Variants in ADAMTS19 observed in about 807,000 individuals in gnomAD.
The protein encoded by ADAMTS19 is A disintegrin and metalloproteinase with thrombospondin motifs 19.
In ADAMTS19, 93 loss-of-function variants were observed where a neutral mutation model predicts 153.3. The observed-to-expected ratio is 0.61, with a 90% CI of 0.51 to 0.72. The LOEUF (loss-of-function observed/expected upper bound fraction) is 0.72, where lower values mean the gene tolerates loss of function less well. Ranked by LOEUF, ADAMTS19 falls within the 30% of genes least tolerant of loss-of-function variation. ADAMTS19 has a pLI of 0.00. For synonymous variants in ADAMTS19, 600 were observed against 556.6 expected, an observed-to-expected ratio of 1.08 and a Z score of -1.10; for missense variants, 1,482 against 1,552.1, an observed-to-expected ratio of 0.95 and a Z score of 0.76.
At chr5:129,677,416 G>T (rs1054288455) in intron 16 of ADAMTS19, among the ~76,000 whole-genome samples, 2 of 151,934 alleles carry the variant, frequency 1.3e-5, no homozygotes, top group African/African-American at 2.4e-5. Context: ...GGCAGAAGTT[G>T]CAGTGAGCTG....
At chr5:129,471,815 C>G (rs193163692) in intron 2 of ADAMTS19, among the ~76,000 whole-genome samples, 1 of 152,262 alleles carries the variant, frequency 6.6e-6, no homozygotes, top group Non-Finnish European at 1.5e-5. Context: ...TTTTGATTTT[C>G]TGTTCCTATG....
At chr5:129,649,092 C>G (rs544609241) in intron 13 of ADAMTS19, 122 bp downstream of exon 13, 1 of 984,490 alleles carries the variant, frequency 1.0e-6, no homozygotes, top group Non-Finnish European at 1.5e-6. Flanking sequence ...TTAATTTTTT[C>G]TACCTGTATG....
At chr5:129,572,535 G>A (rs1361460107) in intron 7 of ADAMTS19, among the ~76,000 whole-genome samples, 4 of 152,104 alleles carry the variant, frequency 2.6e-5, no homozygotes, top group South Asian at 2.1e-4. Context: ...TCTTTAACAG[G>A]TGAATGGATA....
chr5:129,733,684 G>A (rs1476159545), intron 21 of ADAMTS19, among the ~76,000 whole-genome samples: 1 of 151,944 alleles, frequency 6.6e-6, no homozygotes, highest in Non-Finnish European at 1.5e-5. Flanking sequence ...GAGAGAAAAG[G>A]GAATACTTAT....
intron 2 of ADAMTS19, among the ~76,000 whole-genome samples, chr5:129,464,519 C>G (rs908147874): frequency 2.0e-5 from 3 of 152,232 alleles, no homozygotes; most frequent in African/African-American, 7.2e-5. Flanking sequence ...GGTACCTGAA[C>G]TTTTCAATAT....
At chr5:129,626,141 C>A (rs1207243400) in intron 10 of ADAMTS19, among the ~76,000 whole-genome samples, 1 of 152,038 alleles carries the variant, frequency 6.6e-6, no homozygotes, top group Non-Finnish European at 1.5e-5. Context: ...AGTTCTTATA[C>A]CTATTAACAG....
At chr5:129,684,913 G>A (rs1385402713) in intron 18 of ADAMTS19, among the ~76,000 whole-genome samples, 1 of 151,980 alleles carries the variant, frequency 6.6e-6, no homozygotes, top group Non-Finnish European at 1.5e-5. Context: ...CATGAACCTG[G>A]GAGACGGGGC....
intron 7 of ADAMTS19, among the ~76,000 whole-genome samples, chr5:129,564,459 A>G (rs1404232964): frequency 6.6e-6 from 1 of 152,224 alleles, no homozygotes; most frequent in Non-Finnish European, 1.5e-5. Context: ...CTTGGATGCA[A>G]GTATATACAT....
chr5:129,513,550 G>A (rs73246856), intron 3 of ADAMTS19, among the ~76,000 whole-genome samples: 9,610 of 151,880 alleles, frequency 0.063, 445 homozygotes, highest in African/African-American at 0.14. Flanking sequence ...CCATGTGCCA[G>A]TTCATGTAGT....
intron 7 of ADAMTS19, among the ~76,000 whole-genome samples, chr5:129,558,869 T>C (rs1419961057): frequency 2.0e-5 from 3 of 152,030 alleles, no homozygotes; most frequent in African/African-American, 7.2e-5. Context: ...TGAAAAAAAT[T>C]TGAGATTAAT....
intron 21 of ADAMTS19, among the ~76,000 whole-genome samples, chr5:129,729,735 T>C (rs1757357090): frequency 1.3e-5 from 2 of 152,102 alleles, no homozygotes; most frequent in African/African-American, 4.8e-5. Context: ...TCAGCCATTA[T>C]CTGCTAAGAT....
intron 10 of ADAMTS19, among the ~76,000 whole-genome samples, chr5:129,629,188 G>A (rs375972701): frequency 6.6e-6 from 1 of 152,050 alleles, no homozygotes; most frequent in African/African-American, 2.4e-5. Context: ...TAAGTGAATC[G>A]ATTGAATAAT....
At chr5:129,576,014 A>G (rs951685574) in intron 7 of ADAMTS19, among the ~76,000 whole-genome samples, 8 of 151,006 alleles carry the variant, frequency 5.3e-5, no homozygotes, top group African/African-American at 1.2e-4. Context: ...TCTTCCTTCC[A>G]TATAAAAGCA....
At chr5:129,465,625 T>G (rs1425993375) in intron 2 of ADAMTS19, among the ~76,000 whole-genome samples, 1 of 152,198 alleles carries the variant, frequency 6.6e-6, no homozygotes, top group Non-Finnish European at 1.5e-5. Context: ...AATATTTTTG[T>G]GACTCCCATT....
At chr5:129,599,130 T>C (rs1275805548) in intron 8 of ADAMTS19, among the ~76,000 whole-genome samples, 6 of 152,136 alleles carry the variant, frequency 3.9e-5, no homozygotes, top group Non-Finnish European at 7.4e-5. Flanking sequence ...CATCATCCTT[T>C]AGGGAAAGTA....
intron 15 of ADAMTS19, among the ~76,000 whole-genome samples, chr5:129,661,609 G>A (rs56087129): frequency 0.078 from 11,816 of 152,154 alleles, 585 homozygotes; most frequent in Middle Eastern, 0.15. Flanking sequence ...AATCATTCTT[G>A]TTGGAGCTGG....
chr5:129,652,250 G>A (rs1331008823), intron 13 of ADAMTS19, among the ~76,000 whole-genome samples: 1 of 152,136 alleles, frequency 6.6e-6, no homozygotes, highest in Non-Finnish European at 1.5e-5. Flanking sequence ...ACAGTCACTA[G>A]CCTACATGTA....
At chr5:129,470,450 A>G (rs77392051) in intron 2 of ADAMTS19, among the ~76,000 whole-genome samples, 217 of 152,334 alleles carry the variant, frequency 1.4e-3, no homozygotes, top group African/African-American at 5.0e-3. Context: ...CCTGAAAGGA[A>G]GTTTTAAGAT....
At chr5:129,561,786 G>A (rs531669586) in intron 7 of ADAMTS19, among the ~76,000 whole-genome samples, 1 of 151,910 alleles carries the variant, frequency 6.6e-6, no homozygotes, top group East Asian at 1.9e-4. Flanking sequence ...ACTGAGTCAG[G>A]CAGATCTTCT....
Sources: gnomAD v4.1 joint callset for allele counts (sites outside exome capture counted in the v4.1 genomes callset) on GRCh38, gnomAD v4.1.1 for gene constraint, MANE v1.5 for transcripts, NCBI Gene and HGNC (gene_info 2026-07-23, HGNC 2026-07-21) for gene names.